Variants in CACNA2D1 observed in about 807,000 individuals in gnomAD.
CACNA2D1 encodes the protein voltage-dependent calcium channel subunit alpha-2/delta-1.
Under a neutral mutation model 171.5 loss-of-function variants are expected in CACNA2D1, and 53 were observed. The observed-to-expected ratio is 0.31, with a 90% CI of 0.25 to 0.39. The LOEUF is 0.39. CACNA2D1 is among the 10% of genes least tolerant of loss of function. The pLI, the probability that CACNA2D1 is intolerant of heterozygous loss-of-function variation, is 1.00. For synonymous variants in CACNA2D1, 442 were observed against 443.1 expected (o/e 1.00, Z 0.03); for missense variants, 903 against 1,299.8 (o/e 0.69, Z 4.69).
chr7:82,268,698 G>C lies in CACNA2D1; in HGVS notation c.294+66437C>G, dbSNP rs1382292708. ...ATTGGGCTCTAGAGAAAGTGAGAAT[G>C]GAAAGAATTTGAGAGATACCTGAGA... On this transcript the variant is annotated intron_variant, in intron 3 of 38. Transcript: ENST00000356860. 6.8e-5 allele frequency among the ~76,000 whole-genome samples: 10 copies of C among 146,746 alleles called. No homozygotes were observed. In the East Asian group the frequency reaches 2.0e-3, roughly 29 times the overall value.
chr7:82,342,258 G>A (rs1175264773), intron 2 of CACNA2D1, among the ~76,000 whole-genome samples: 1 of 152,028 alleles, frequency 6.6e-6, no homozygotes, highest in Admixed American at 6.6e-5. Flanking sequence ...ATATACGTGT[G>A]ATGTTTATTG....
At chr7:82,380,918 C>T (rs1823623631) in intron 1 of CACNA2D1, among the ~76,000 whole-genome samples, 2 of 152,148 alleles carry the variant, frequency 1.3e-5, no homozygotes, top group South Asian at 4.2e-4. Flanking sequence ...TGATCTTGAA[C>T]TTTTGGTCTC....
At chr7:82,111,804 A>G (rs77007284) in intron 6 of CACNA2D1, among the ~76,000 whole-genome samples, 11,650 of 152,116 alleles carry the variant, frequency 0.077, 553 homozygotes, top group South Asian at 0.14. Flanking sequence ...ATAATTACAA[A>G]ATAGATATTT....
chr7:82,074,931 T>C (rs758586768), intron 7 of CACNA2D1, among the ~76,000 whole-genome samples: 1 of 152,074 alleles, frequency 6.6e-6, no homozygotes, highest in Non-Finnish European at 1.5e-5. Context: ...GTTACATAGG[T>C]ACACATGTGC....
intron 4 of CACNA2D1, among the ~76,000 whole-genome samples, chr7:82,145,833 T>A (rs1393958344): frequency 6.6e-6 from 1 of 151,156 alleles, no homozygotes; most frequent in Non-Finnish European, 1.5e-5. Flanking sequence ...CTTTGTCTTA[T>A]AATCTACATT....
chr7:82,237,521 G>A (rs559242143), intron 3 of CACNA2D1, among the ~76,000 whole-genome samples: 6 of 151,786 alleles, frequency 4.0e-5, no homozygotes, highest in African/African-American at 9.7e-5. Flanking sequence ...AACCTTATTC[G>A]TTTAAGTACT....
chr7:82,242,120 G>T (rs1391385815), intron 3 of CACNA2D1, among the ~76,000 whole-genome samples: 1 of 152,060 alleles, frequency 6.6e-6, no homozygotes, highest in Non-Finnish European at 1.5e-5. Context: ...ATGCCTAATG[G>T]CATACATGAC....
At chr7:82,232,491 G>C (rs1803050373) in intron 3 of CACNA2D1, among the ~76,000 whole-genome samples, 1 of 152,032 alleles carries the variant, frequency 6.6e-6, no homozygotes, top group African/African-American at 2.4e-5. Context: ...TTTGTACTAT[G>C]GGCTTTCTCA....
intron 1 of CACNA2D1, among the ~76,000 whole-genome samples, chr7:82,400,838 T>C (rs541563576): frequency 6.6e-6 from 1 of 151,228 alleles, no homozygotes; most frequent in East Asian, 1.9e-4. Flanking sequence ...GAATCTACAA[T>C]GAACTCAAAC....
intron 10 of CACNA2D1, among the ~76,000 whole-genome samples, chr7:82,054,908 G>A (rs558077211): frequency 6.6e-6 from 1 of 152,154 alleles, no homozygotes; most frequent in African/African-American, 2.4e-5. Context: ...ATAAAACTAT[G>A]AGTTGGCTGG....
At chr7:82,434,064 A>G (rs1364508360) in intron 1 of CACNA2D1, among the ~76,000 whole-genome samples, 5 of 152,214 alleles carry the variant, frequency 3.3e-5, no homozygotes, top group African/African-American at 7.2e-5. Flanking sequence ...ACCATTCAAC[A>G]CCATGAGCAC....
At chr7:82,153,047 A>G (rs1026941709) in intron 4 of CACNA2D1, among the ~76,000 whole-genome samples, 20 of 150,592 alleles carry the variant, frequency 1.3e-4, no homozygotes, top group African/African-American at 4.9e-4. Context: ...AGGCAGTAAC[A>G]TTCAAAGTAG....
chr7:82,117,126 A>T lies in CACNA2D1; in HGVS notation c.444T>A (p.Val148=). The change falls in exon 6 of 39, where the codon GTT becomes GTA. Residue 148 remains valine, a synonymous_variant. Transcript: ENST00000356860. Reference sequence around the variant, plus strand: ...GTCCAAAATTAGCATCTTCAATGAAAACAGGTTTTATCCTCTGGCTGCCTG... The same window carrying T: ...GTCCAAAATTAGCATCTTCAATGAATACAGGTTTTATCCTCTGGCTGCCTG... ...SEPGSQRIKP[V]FIEDANFGRQ... The T allele has an allele frequency of 1.2e-6, 2 of 1,613,936 alleles. No homozygotes were observed. Among genetic ancestry groups the T allele is most frequent in the South Asian group, 2.2e-5 (2 of 91,082 alleles).
chr7:82,052,868 C>T (rs1025410194), intron 10 of CACNA2D1, among the ~76,000 whole-genome samples: 13 of 151,916 alleles, frequency 8.6e-5, no homozygotes, highest in Non-Finnish European at 1.6e-4. Context: ...TTTTCTTATC[C>T]GCAATATTAA....
At chr7:82,258,384 G>A (rs760477060) in intron 3 of CACNA2D1, among the ~76,000 whole-genome samples, 16 of 151,556 alleles carry the variant, frequency 1.1e-4, no homozygotes, top group Admixed American at 5.2e-4. Flanking sequence ...ATGTAAGGCC[G>A]TCTAGTTCAA....
intron 1 of CACNA2D1, among the ~76,000 whole-genome samples, chr7:82,426,031 G>A (rs964522198): frequency 6.6e-6 from 1 of 151,506 alleles, no homozygotes; most frequent in South Asian, 2.1e-4. Flanking sequence ...TAGGGAGGCT[G>A]AGGCACGAGA....
chr7:82,084,332 C>T (rs1204093876), intron 7 of CACNA2D1, among the ~76,000 whole-genome samples: 1 of 152,134 alleles, frequency 6.6e-6, no homozygotes, highest in East Asian at 1.9e-4. Context: ...TTGTCCTACT[C>T]ATTTTAACAG....
intron 7 of CACNA2D1, among the ~76,000 whole-genome samples, chr7:82,079,336 G>T (rs1212914440): frequency 1.3e-5 from 2 of 152,108 alleles, no homozygotes; most frequent in Non-Finnish European, 2.9e-5. Flanking sequence ...AAGTATACTG[G>T]TGGAGGTGGG....
chr7:82,273,721 G>A (rs770582264), intron 3 of CACNA2D1, among the ~76,000 whole-genome samples: 1 of 152,000 alleles, frequency 6.6e-6, no homozygotes, highest in Non-Finnish European at 1.5e-5. Context: ...CAAATGAAGG[G>A]TATAATTCCA....
Sources: gnomAD v4.1 joint callset for allele counts (sites outside exome capture counted in the v4.1 genomes callset) on GRCh38, gnomAD v4.1.1 for gene constraint, MANE v1.5 for transcripts, NCBI Gene and HGNC (gene_info 2026-07-23, HGNC 2026-07-21) for gene names.